Variants in FER1L6 observed in about 807,000 individuals in gnomAD.
FER1L6 encodes fer-1 like family member 6.
Under a neutral mutation model 219.2 loss-of-function variants are expected in FER1L6, and 177 were observed. The observed-to-expected ratio is 0.81, with a 90% CI of 0.71 to 0.91. FER1L6 has a LOEUF of 0.91. FER1L6 is among the 40% of genes least tolerant of loss of function. FER1L6 has a pLI of 0.00. For missense variants in FER1L6, 2,153 were observed against 2,259.9 expected (o/e 0.95, Z 0.96); for synonymous variants, 768 against 824.3 (o/e 0.93, Z 1.17).
chr8:124,104,437 G>C (rs987276178), intron 39 of FER1L6, among the ~76,000 whole-genome samples: 1 of 152,228 alleles, frequency 6.6e-6, no homozygotes, highest in African/African-American at 2.4e-5. Context: ...GAATGGAGAG[G>C]TGGGAGGGAT....
chr8:124,112,837 A>G (rs10090974), intron 39 of FER1L6, among the ~76,000 whole-genome samples: 8,337 of 152,258 alleles, frequency 0.055, 750 homozygotes, highest in African/African-American at 0.19. Context: ...AGATCAGACA[A>G]GAGCAGACAA....
At chr8:124,110,751 T>C (rs1026030939) in intron 39 of FER1L6, among the ~76,000 whole-genome samples, 1 of 152,174 alleles carries the variant, frequency 6.6e-6, no homozygotes, top group African/African-American at 2.4e-5. Context: ...TTGTTCTAGA[T>C]TCACATGGTC....
At chr8:123,937,200 C>A (rs1814041691) in intron 1 of FER1L6, among the ~76,000 whole-genome samples, 1 of 152,232 alleles carries the variant, frequency 6.6e-6, no homozygotes, top group South Asian at 2.1e-4. Flanking sequence ...AGCCACCATG[C>A]CCAGCCTGTT....
chr8:124,055,406 A>G (rs1315283525), intron 22 of FER1L6, among the ~76,000 whole-genome samples: 3 of 152,174 alleles, frequency 2.0e-5, no homozygotes, highest in Non-Finnish European at 2.9e-5. Flanking sequence ...TACTCATTCA[A>G]TGAACAAACA....
chr8:124,040,990 A>G (rs994112033), intron 20 of FER1L6, among the ~76,000 whole-genome samples: 15 of 152,204 alleles, frequency 9.9e-5, no homozygotes, highest in Non-Finnish European at 5.9e-5. Context: ...CTTTCTCCCT[A>G]TCCTATACAA....
chr8:123,975,302 G>GA lies in FER1L6; in HGVS notation c.683dup (p.Asn229GlufsTer45). 1 of 1,607,520 alleles carries GA rather than the reference G, an allele frequency of 6.2e-7. No individual in the cohort carries two copies. Among genetic ancestry groups the GA allele is most frequent in the Non-Finnish European group, 8.5e-7 (1 of 1,176,366 alleles). On this transcript the variant is annotated frameshift_variant, in exon 8 of 41. Transcript: ENST00000522917. LOFTEE classifies it high-confidence loss of function. Reference sequence around the variant, plus strand: ...AACTTCTGACACCGAGGAGCCAATAGAAAAGTAAGACAGGTCCATCCTGGG... The same window carrying GA: ...AACTTCTGACACCGAGGAGCCAATAGAAAAAGTAAGACAGGTCCATCCTGGG...
intron 12 of FER1L6, among the ~76,000 whole-genome samples, chr8:123,995,318 G>A (rs1482909499): frequency 6.6e-6 from 1 of 152,170 alleles, no homozygotes; most frequent in African/African-American, 2.4e-5. Flanking sequence ...TTTTCTTTGT[G>A]AGGAGACTTT....
At chr8:124,008,047 C>T (rs1817749134) in intron 13 of FER1L6, among the ~76,000 whole-genome samples, 1 of 152,160 alleles carries the variant, frequency 6.6e-6, no homozygotes, top group South Asian at 2.1e-4. Flanking sequence ...ATCACCTGAG[C>T]AGTATACGCT....
At chr8:124,027,525 T>C (rs1172799417) in intron 18 of FER1L6, among the ~76,000 whole-genome samples, 1 of 152,154 alleles carries the variant, frequency 6.6e-6, no homozygotes, top group Non-Finnish European at 1.5e-5. Flanking sequence ...CAGCGAGTTG[T>C]CTGAGGCTCT....
chr8:123,889,847 G>A (rs1027448735), intron 1 of FER1L6, among the ~76,000 whole-genome samples: 49 of 151,978 alleles, frequency 3.2e-4, no homozygotes, highest in African/African-American at 1.2e-3. Context: ...AGAAAATTTA[G>A]GACAAGACAG....
At chr8:123,965,596 C>G (rs1815501329) in intron 3 of FER1L6, among the ~76,000 whole-genome samples, 1 of 152,100 alleles carries the variant, frequency 6.6e-6, no homozygotes. Flanking sequence ...CAGAATGGTC[C>G]TGTGTATGGA....
chr8:123,979,027 T>C (rs906952924), intron 10 of FER1L6, among the ~76,000 whole-genome samples: 2 of 152,192 alleles, frequency 1.3e-5, no homozygotes, highest in African/African-American at 4.8e-5. Context: ...ATAAAATCTT[T>C]CTATCCTTTT....
At chr8:124,011,753 G>A (rs1457272306) in intron 14 of FER1L6, among the ~76,000 whole-genome samples, 1 of 151,718 alleles carries the variant, frequency 6.6e-6, no homozygotes, top group Non-Finnish European at 1.5e-5. Context: ...CCAAATTGCT[G>A]GGGTGATAGG....
At chr8:123,887,577 C>T (rs544320169) in intron 1 of FER1L6, among the ~76,000 whole-genome samples, 6 of 152,264 alleles carry the variant, frequency 3.9e-5, no homozygotes, top group Non-Finnish European at 5.9e-5. Context: ...GGGGTCTGCT[C>T]CTCTCAATCT....
At chr8:124,058,887 T>C (rs1820429886) in intron 22 of FER1L6, 1 of 152,384 alleles carries the variant, frequency 6.6e-6, no homozygotes, top group South Asian at 2.1e-4. Context: ...CTTAAGCCTA[T>C]TGCGCATTTG....
At chr8:123,932,325 T>G (rs4410887) in intron 1 of FER1L6, among the ~76,000 whole-genome samples, 59,357 of 151,922 alleles carry the variant, frequency 0.39, 12,221 homozygotes, top group South Asian at 0.52. Context: ...GCCAGGCTGG[T>G]CTGAAACTCC....
chr8:123,970,416 TTTAG>T (rs1815752970), intron 6 of FER1L6, among the ~76,000 whole-genome samples: 1 of 152,060 alleles, frequency 6.6e-6, no homozygotes, highest in Non-Finnish European at 1.5e-5. Flanking sequence ...CATTGTCAGT[TTTAG>T]TTTGTTTTTT....
chr8:124,006,095 C>T (rs534748606), intron 13 of FER1L6, among the ~76,000 whole-genome samples: 4 of 152,334 alleles, frequency 2.6e-5, no homozygotes, highest in African/African-American at 9.6e-5. Flanking sequence ...AAAACTGAGG[C>T]CATCAGTGAG....
At chr8:124,070,719 T>C (rs1258314972) in intron 30 of FER1L6, 121 bp downstream of exon 30, 2 of 861,804 alleles carry the variant, frequency 2.3e-6, no homozygotes, top group East Asian at 6.0e-5. Context: ...TAATTTTTAC[T>C]CAAGTCCCTC....
Sources: gnomAD v4.1 joint callset for allele counts (sites outside exome capture counted in the v4.1 genomes callset) on GRCh38, gnomAD v4.1.1 for gene constraint, MANE v1.5 for transcripts, NCBI Gene and HGNC (gene_info 2026-07-23, HGNC 2026-07-21) for gene names.